The following ZFPM2 variants were observed in gnomAD, a reference collection of about 807,000 sequenced individuals.
ZFPM2 encodes zinc finger protein ZFPM2.
In ZFPM2, 20 loss-of-function variants were observed where a neutral mutation model predicts 98.6. The ratio of observed to expected loss-of-function variants is 0.20; its 90% CI spans 0.14 to 0.29. The LOEUF (loss-of-function observed/expected upper bound fraction) is 0.29, where lower values mean the gene tolerates loss of function less well. Among genes scored for constraint, ZFPM2 ranks in the 10% least tolerant of loss-of-function variants. The probability of loss-of-function intolerance (pLI) is 1.00; values close to 1 mark genes in which losing one functional copy is unlikely to be tolerated. For synonymous variants in ZFPM2, 518 were observed against 502.7 expected (o/e 1.03, Z -0.41); for missense variants, 1,310 against 1,388.6 (o/e 0.94, Z 0.90).
intron 4 of ZFPM2, among the ~76,000 whole-genome samples, chr8:105,616,875 G>A (rs1461051534): frequency 8.6e-5 from 13 of 150,946 alleles, no homozygotes; most frequent in African/African-American, 2.2e-4. Context: ...AAAATTAGCC[G>A]GGTGTGGTGG....
At chr8:105,594,839 T>G (rs916638250) in intron 4 of ZFPM2, among the ~76,000 whole-genome samples, 1 of 152,106 alleles carries the variant, frequency 6.6e-6, no homozygotes, top group Non-Finnish European at 1.5e-5. Flanking sequence ...CCAGGCACTA[T>G]GCAAAGGTCT....
At chr8:105,778,410 C>A (rs961025559) in intron 5 of ZFPM2, among the ~76,000 whole-genome samples, 11 of 152,006 alleles carry the variant, frequency 7.2e-5, no homozygotes, top group African/African-American at 2.7e-4. Flanking sequence ...AGTTAATGAC[C>A]AAACAAGTAA....
intron 1 of ZFPM2, among the ~76,000 whole-genome samples, chr8:105,391,467 C>G (rs1371004093): frequency 6.6e-6 from 1 of 152,124 alleles, no homozygotes; most frequent in Non-Finnish European, 1.5e-5. Context: ...ATTAAGTCTT[C>G]CAGTCATGAA....
chr8:105,707,577 A>C (rs1268440078), intron 5 of ZFPM2, among the ~76,000 whole-genome samples: 1 of 152,148 alleles, frequency 6.6e-6, no homozygotes, highest in Non-Finnish European at 1.5e-5. Context: ...AATCCAATTC[A>C]GTGTATGGCC....
At chr8:105,582,621 G>T (rs920568604) in intron 4 of ZFPM2, among the ~76,000 whole-genome samples, 46 of 152,052 alleles carry the variant, frequency 3.0e-4, no homozygotes, top group Non-Finnish European at 8.8e-5. Context: ...TTTAGACAGG[G>T]TCTCACTCTG....
intron 4 of ZFPM2, among the ~76,000 whole-genome samples, chr8:105,602,517 T>TA (rs1227321284): frequency 6.6e-6 from 1 of 152,122 alleles, no homozygotes; most frequent in Non-Finnish European, 1.5e-5. Context: ...CAACCTGGCC[T>TA]AAGTGAATTT....
At chr8:105,526,912 G>A (rs1367013897) in intron 3 of ZFPM2, among the ~76,000 whole-genome samples, 1 of 151,898 alleles carries the variant, frequency 6.6e-6, no homozygotes, top group Non-Finnish European at 1.5e-5. Context: ...TCACATCTTA[G>A]GTTGCCTCCA....
At chr8:105,319,126 G>A in intron 1 of ZFPM2, 145 bp downstream of exon 1, 2 of 989,596 alleles carry the variant, frequency 2.0e-6, no homozygotes, top group Non-Finnish European at 2.7e-6. Context: ...CTGAGCAGTC[G>A]AAGGGACAAC....
Position 105,647,197 on chromosome 8 carries a change from T to G in ZFPM2, c.532+12840T>G, listed in dbSNP as rs541860507. ...CTGTGCTGTGTCATTTCATCAATTT[T>G]CTAGATTCCAATATTTTGTTGACTT... On this transcript the variant is annotated intron_variant, in intron 5 of 7. Coordinates refer to ENST00000407775, the MANE Select transcript of ZFPM2 (RefSeq NM_012082.4). Among the ~76,000 whole-genome samples the G allele has an allele frequency of 6.7e-4, 102 of 152,318 alleles. 1 individual carries two copies. The highest frequency in any genetic ancestry group is 5.8e-3 in the South Asian group (28 of 4,824).
At chr8:105,706,184 C>G (rs1250972324) in intron 5 of ZFPM2, among the ~76,000 whole-genome samples, 4 of 151,934 alleles carry the variant, frequency 2.6e-5, no homozygotes, top group Non-Finnish European at 5.9e-5. Flanking sequence ...GTCCAGTGAT[C>G]AACTGCTATA....
chr8:105,461,591 C>T (rs1304488083), intron 3 of ZFPM2, among the ~76,000 whole-genome samples: 2 of 152,098 alleles, frequency 1.3e-5, no homozygotes, highest in Non-Finnish European at 2.9e-5. Context: ...AAACAACTAT[C>T]TAGGATTAAT....
chr8:105,537,426 A>T (rs1257131879), intron 3 of ZFPM2, among the ~76,000 whole-genome samples: 1 of 152,188 alleles, frequency 6.6e-6, no homozygotes, highest in African/African-American at 2.4e-5. Context: ...CTGTAATCCC[A>T]GGGACTTGAG....
At chr8:105,542,147 T>TAATATCACTATC (rs1482073041) in intron 3 of ZFPM2, among the ~76,000 whole-genome samples, 12 of 152,156 alleles carry the variant, frequency 7.9e-5, no homozygotes, top group Non-Finnish European at 1.3e-4. Flanking sequence ...GCTAGCTTTG[T>TAATATCACTATC]AATTAATTTA....
intron 4 of ZFPM2, among the ~76,000 whole-genome samples, chr8:105,563,978 A>G (rs1815192585): frequency 6.6e-6 from 1 of 152,128 alleles, no homozygotes; most frequent in Admixed American, 6.6e-5. Flanking sequence ...CTCTGTATGT[A>G]TACAGAATGG....
At chr8:105,517,587 C>T (rs537764814) in intron 3 of ZFPM2, among the ~76,000 whole-genome samples, 30 of 151,954 alleles carry the variant, frequency 2.0e-4, no homozygotes, top group African/African-American at 7.2e-4. Flanking sequence ...CAATGGTTCA[C>T]GCCTGTAATC....
chr8:105,616,605 ATAAGTC>A (rs139841122), intron 4 of ZFPM2: 3,223 of 287,816 alleles, frequency 0.011, 76 homozygotes, highest in African/African-American at 0.059. Flanking sequence ...TGTTTCAGGT[ATAAGTC>A]TAAGTGATTT....
chr8:105,401,652 T>C (rs1242329396), intron 1 of ZFPM2, among the ~76,000 whole-genome samples: 1 of 152,114 alleles, frequency 6.6e-6, no homozygotes, highest in Non-Finnish European at 1.5e-5. Flanking sequence ...GTCTCCTAGG[T>C]ACTCTGAAGT....
At chr8:105,624,971 C>T (rs761838372) in intron 4 of ZFPM2, among the ~76,000 whole-genome samples, 3 of 152,122 alleles carry the variant, frequency 2.0e-5, no homozygotes, top group Non-Finnish European at 2.9e-5. Context: ...ACATTCTACT[C>T]GAAGACATTT....
chr8:105,389,718 A>G (rs1179800997), intron 1 of ZFPM2, among the ~76,000 whole-genome samples: 1 of 152,212 alleles, frequency 6.6e-6, no homozygotes, highest in African/African-American at 2.4e-5. Context: ...CGAGGCTAAC[A>G]AATCTGTATG....
Sources: allele counts gnomAD v4.1 joint callset (sites outside exome capture counted in the v4.1 genomes callset), GRCh38; gene constraint gnomAD v4.1.1; transcripts MANE v1.5; gene names NCBI Gene and HGNC (gene_info 2026-07-23, HGNC 2026-07-21).